The following ZNF251 variants were observed in gnomAD, a reference collection of about 807,000 sequenced individuals.
ZNF251 encodes the protein zinc finger protein 251.
Under a neutral mutation model 13.5 loss-of-function variants are expected in ZNF251, and 14 were observed. That is an observed-to-expected ratio of 1.04 (90% CI 0.69 to 1.63). ZNF251 has a LOEUF of 1.63. Among genes scored for constraint, ZNF251 ranks in the 40% most tolerant of loss-of-function variants. The probability of loss-of-function intolerance (pLI) is 0.00; values close to 1 mark genes in which losing one functional copy is unlikely to be tolerated. For missense variants in ZNF251, 764 were observed against 834.9 expected, an observed-to-expected ratio of 0.92 and a Z score of 1.05; for synonymous variants, 287 against 295.2, an observed-to-expected ratio of 0.97 and a Z score of 0.28.
chr8:144,738,635 C>T (rs1034914872), intron 4 of ZNF251: 2 of 985,330 alleles, frequency 2.0e-6, no homozygotes, highest in African/African-American at 3.5e-5. Flanking sequence ...GCCTTCTGCC[C>T]ATAGATTTAG....
At chr8:144,732,760 C>A (rs1467506436) in intron 4 of ZNF251, among the ~76,000 whole-genome samples, 4 of 147,796 alleles carry the variant, frequency 2.7e-5, no homozygotes, top group Non-Finnish European at 4.4e-5. Context: ...TGCAGTGAGC[C>A]AAGATCGCAC....
rs1312229691 is a variant in ZNF251, at chr8:144,734,036, A to C, written c.278-10654T>G. On this transcript the variant is annotated intron_variant, in intron 4 of 4. Transcript: ENST00000292562. This position sits in a 1 kb window ranked among gnomAD's most constrained non-coding sequence, Gnocchi z 4.4. Reference sequence around the variant, plus strand: ...TTAGGCTGCACGTGCCAGATGCCTAAACTGTGCAGCCTGAATGACTGTTGG... The same window carrying C: ...TTAGGCTGCACGTGCCAGATGCCTACACTGTGCAGCCTGAATGACTGTTGG... Among the ~76,000 whole-genome samples the C allele has an allele frequency of 6.6e-6, 1 of 152,062 alleles. No homozygotes were observed. The highest frequency in any genetic ancestry group is 1.5e-5 in the Non-Finnish European group (1 of 68,008).
At chr8:144,725,457 T>TC (rs1302565580) in intron 4 of ZNF251, among the ~76,000 whole-genome samples, 10 of 151,950 alleles carry the variant, frequency 6.6e-5, no homozygotes, top group Admixed American at 3.3e-4. Flanking sequence ...GTAGTCTGGC[T>TC]AATTCCTTAT....
chr8:144,735,480 A>G (rs185163687), intron 4 of ZNF251, among the ~76,000 whole-genome samples: 27 of 152,024 alleles, frequency 1.8e-4, no homozygotes, highest in Middle Eastern at 3.4e-3. Context: ...GGTCAGAGTT[A>G]GCGCTCACTC....
chr8:144,738,681 C>G (rs1450941850), intron 4 of ZNF251: 1 of 985,320 alleles, frequency 1.0e-6, no homozygotes, highest in Non-Finnish European at 1.2e-6. Flanking sequence ...ACAGTTCTCT[C>G]GTTCAAGGCA....
At chr8:144,747,530 T>C (rs565006237) in intron 4 of ZNF251, among the ~76,000 whole-genome samples, 4 of 152,376 alleles carry the variant, frequency 2.6e-5, no homozygotes, top group African/African-American at 7.2e-5. Context: ...CCATTTACGA[T>C]AGAGGGTGCT....
chr8:144,747,437 T>A (rs1255455432), intron 4 of ZNF251, among the ~76,000 whole-genome samples: 1 of 152,236 alleles, frequency 6.6e-6, no homozygotes, highest in Non-Finnish European at 1.5e-5. Flanking sequence ...TATCGTTGGA[T>A]GAAGCAGTCT....
chr8:144,744,298 A>G (rs1050138697), intron 4 of ZNF251, among the ~76,000 whole-genome samples: 2 of 152,092 alleles, frequency 1.3e-5, no homozygotes, highest in African/African-American at 4.8e-5. Flanking sequence ...TTTACAGAGC[A>G]GAAGTTTTTC....
At chr8:144,741,144 T>G (rs137951193) in intron 4 of ZNF251, among the ~76,000 whole-genome samples, 19 of 152,064 alleles carry the variant, frequency 1.2e-4, no homozygotes, top group African/African-American at 3.9e-4. Context: ...CCGAGGTGGA[T>G]CTCAAAAGTG....
At chr8:144,724,938 A>G (rs927244871) in intron 4 of ZNF251, among the ~76,000 whole-genome samples, 1 of 152,158 alleles carries the variant, frequency 6.6e-6, no homozygotes, top group African/African-American at 2.4e-5. Flanking sequence ...TTTCTGAGGA[A>G]GGGTTTTAAA....
chr8:144,744,504 A>G (rs1330930289), intron 4 of ZNF251, among the ~76,000 whole-genome samples: 2 of 152,196 alleles, frequency 1.3e-5, no homozygotes, highest in African/African-American at 4.8e-5. Flanking sequence ...GCTCACCCCA[A>G]ATTCACATGT....
At chr8:144,728,859 G>A (rs1418954183) in intron 4 of ZNF251, among the ~76,000 whole-genome samples, 1 of 151,752 alleles carries the variant, frequency 6.6e-6, no homozygotes, top group Non-Finnish European at 1.5e-5. Context: ...GAGGCCCAGG[G>A]GGGCAGATCA....
intron 4 of ZNF251, among the ~76,000 whole-genome samples, chr8:144,749,875 C>CTT (rs796849869): frequency 1.4e-4 from 18 of 129,170 alleles, no homozygotes; most frequent in African/African-American, 5.5e-4. Context: ...TTTTTCTTTT[C>CTT]TTTTTTTTCT....
chr8:144,738,779 A>G (rs562197657), intron 4 of ZNF251: 1 of 984,230 alleles, frequency 1.0e-6, no homozygotes, highest in Non-Finnish European at 1.2e-6. Context: ...GAAACAGCAC[A>G]GTTCTCTCAT....
At chr8:144,726,856 C>T (rs1340939933) in intron 4 of ZNF251, among the ~76,000 whole-genome samples, 1 of 151,372 alleles carries the variant, frequency 6.6e-6, no homozygotes, top group African/African-American at 2.4e-5. Flanking sequence ...GGCAACAGAG[C>T]AAGATTCTGT....
intron 4 of ZNF251, among the ~76,000 whole-genome samples, chr8:144,738,164 G>A (rs1338353730): frequency 6.6e-6 from 1 of 152,244 alleles, no homozygotes; most frequent in Admixed American, 6.5e-5. Context: ...AGCACACCAT[G>A]CCACCATGCC....
intron 4 of ZNF251, chr8:144,738,757 C>A (rs1378762605): frequency 1.0e-6 from 1 of 984,636 alleles, no homozygotes; most frequent in Non-Finnish European, 1.2e-6. Flanking sequence ...CTCGTGGGGG[C>A]ACCTGTTTGT....
In ZNF251 at chr8:144,754,781, G is replaced by C; in HGVS notation, c.-53C>G. The C allele has an allele frequency of 6.3e-7, 1 of 1,597,978 alleles. No homozygotes were observed. Among genetic ancestry groups the C allele is most frequent in the East Asian group, 2.3e-5 (1 of 44,358 alleles). ...CAAGAGAAGACAGGAGACTGCCCTG[G>C]CCTGAAGTCTCCCCGAACTTACCTT... On this transcript the variant is annotated 5_prime_UTR_variant, in exon 2 of 5. Coordinates refer to ENST00000292562, the MANE Select transcript of ZNF251 (RefSeq NM_138367.2).
chr8:144,733,781 T>C (rs1349856307), intron 4 of ZNF251, among the ~76,000 whole-genome samples: 1 of 152,166 alleles, frequency 6.6e-6, no homozygotes, highest in Non-Finnish European at 1.5e-5. Context: ...AAATCTTTAT[T>C]TTCCATCTTG....
Sources: gnomAD v4.1 joint callset for allele counts (sites outside exome capture counted in the v4.1 genomes callset) on GRCh38, gnomAD v4.1.1 for gene constraint, Gnocchi (gnomAD v3.1) non-coding constraint, MANE v1.5 for transcripts, NCBI Gene and HGNC (gene_info 2026-07-23, HGNC 2026-07-21) for gene names.